RERE: variants seen among roughly 807,000 people sequenced by gnomAD.
The protein encoded by RERE is arginine-glutamic acid dipeptide repeats.
A neutral mutation model predicts 146.1 loss-of-function variants in RERE; 40 were observed. The observed-to-expected ratio is 0.27, with a 90% confidence interval of 0.21 to 0.36. The LOEUF is 0.36. Among genes scored for constraint, RERE ranks in the 10% least tolerant of loss-of-function variants. The pLI is 1.00. For synonymous variants in RERE, 1,003 were observed against 866.0 expected, an observed-to-expected ratio of 1.16 and a Z score of -2.78; for missense variants, 1,933 against 2,138.7, an observed-to-expected ratio of 0.90 and a Z score of 1.90.
At chr1:8,634,149 C>A (rs1383902328) in intron 2 of RERE, among the ~76,000 whole-genome samples, 1 of 152,160 alleles carries the variant, frequency 6.6e-6, no homozygotes, top group Admixed American at 6.5e-5. Context: ...CAAGACCAAG[C>A]CATGCCCATC....
In RERE at chr1:8,682,452, C is replaced by T. The variant is rs193132175; in HGVS notation, c.-144-26011G>A. Among the ~76,000 whole-genome samples the T allele has an allele frequency of 4.2e-4, 64 of 152,236 alleles. No homozygotes were observed. In the East Asian group the frequency reaches 0.011, roughly 27 times the overall value. ...TGTTTTATTGTTTAAATGGAACTTT[C>T]CTGTGGGCACTGTTGTTGTTGTATG... On this transcript the variant is annotated intron_variant, in intron 1 of 22. Coordinates refer to ENST00000400908, the MANE Select transcript of RERE (RefSeq NM_001042681.2).
intron 4 of RERE, among the ~76,000 whole-genome samples, chr1:8,576,595 T>G (rs1425098360): frequency 1.3e-5 from 2 of 152,318 alleles, no homozygotes; most frequent in East Asian, 3.9e-4. Context: ...TGATTCAAAA[T>G]GATCTGAAAT....
chr1:8,614,421 G>T, intron 4 of RERE, 140 bp downstream of exon 4: 2 of 842,810 alleles, frequency 2.4e-6, no homozygotes, highest in Non-Finnish European at 3.6e-6. Context: ...CTTCCTCTGT[G>T]CATGTACTTG....
chr1:8,643,436 A>G (rs577915361), intron 2 of RERE, among the ~76,000 whole-genome samples: 15 of 152,316 alleles, frequency 9.8e-5, no homozygotes, highest in African/African-American at 3.6e-4. Context: ...AACACAATAT[A>G]TGTTACTGGG....
intron 1 of RERE, among the ~76,000 whole-genome samples, chr1:8,778,708 T>C (rs953299167): frequency 6.6e-6 from 1 of 151,958 alleles, no homozygotes; most frequent in Non-Finnish European, 1.5e-5. Flanking sequence ...TGGTGGCATG[T>C]GCCTGTAGTC....
At chr1:8,566,092 T>C (rs1467596056) in intron 4 of RERE, among the ~76,000 whole-genome samples, 2 of 152,210 alleles carry the variant, frequency 1.3e-5, no homozygotes, top group Non-Finnish European at 2.9e-5. Flanking sequence ...TGATAAAGTA[T>C]CCACTCTTGT....
chr1:8,593,078 C>A (rs749427139), intron 4 of RERE, among the ~76,000 whole-genome samples: 2 of 152,080 alleles, frequency 1.3e-5, no homozygotes, highest in South Asian at 2.1e-4. Context: ...CTGAATGGTG[C>A]GACTGGTTTC....
chr1:8,603,734 A>G (rs893543003), intron 4 of RERE, among the ~76,000 whole-genome samples: 10 of 152,132 alleles, frequency 6.6e-5, no homozygotes, highest in African/African-American at 2.4e-4. Flanking sequence ...AGACCCTGGA[A>G]CTGCATCAGA....
chr1:8,770,278 A>C (rs1209522806), intron 1 of RERE, among the ~76,000 whole-genome samples: 1 of 152,214 alleles, frequency 6.6e-6, no homozygotes, highest in Non-Finnish European at 1.5e-5. Flanking sequence ...CATGAGGTAC[A>C]GTACCTGACA....
chr1:8,635,362 T>C (rs1467842124), intron 2 of RERE, among the ~76,000 whole-genome samples: 2 of 152,328 alleles, frequency 1.3e-5, no homozygotes, highest in Middle Eastern at 3.4e-3. Flanking sequence ...ACTTTCATAA[T>C]CAAAATTAGC....
intron 1 of RERE, among the ~76,000 whole-genome samples, chr1:8,810,858 A>G (rs966035912): frequency 1.3e-5 from 2 of 152,144 alleles, no homozygotes; most frequent in African/African-American, 4.8e-5. Context: ...CATATTAGGA[A>G]GCCATAAATA....
At chr1:8,527,254 G>C (rs1645581409) in intron 7 of RERE, among the ~76,000 whole-genome samples, 1 of 152,174 alleles carries the variant, frequency 6.6e-6, no homozygotes, top group African/African-American at 2.4e-5. Flanking sequence ...CATGAAACAA[G>C]TATCTACAGG....
intron 2 of RERE, among the ~76,000 whole-genome samples, chr1:8,628,325 AAC>A (rs1290786425): frequency 6.6e-6 from 1 of 152,236 alleles, no homozygotes; most frequent in Non-Finnish European, 1.5e-5. Context: ...ATAGTCATGA[AAC>A]ACAGAATGGC....
intron 12 of RERE, among the ~76,000 whole-genome samples, chr1:8,372,507 C>CGCGTGTGTGT: frequency 7.6e-6 from 1 of 131,828 alleles, no homozygotes; most frequent in Non-Finnish European, 1.6e-5. Flanking sequence ...ACCATCAGGT[C>CGCGTGTGTGT]GTGTGTGTGT....
chr1:8,663,918 C>CA (rs1295203581), intron 1 of RERE, among the ~76,000 whole-genome samples: 5 of 152,116 alleles, frequency 3.3e-5, no homozygotes. Flanking sequence ...TACTGACCCT[C>CA]AGAGTCTCCA....
intron 2 of RERE, among the ~76,000 whole-genome samples, chr1:8,625,717 A>G (rs74050245): frequency 0.028 from 4,198 of 152,240 alleles, 173 homozygotes; most frequent in African/African-American, 0.095. Context: ...CATTTGTCTT[A>G]TGTGTTGAGA....
rs764588062 is a variant in RERE, at chr1:8,360,064, C to T, written c.3395+48G>A. 5.7e-6 allele frequency: 9 copies of T among 1,586,468 alleles called. No individual in the cohort carries two copies. In the Admixed American group the frequency reaches 1.4e-4, roughly 24 times the overall value. ...CCTCCCTCCCACCAGAACTTGCCCC[C>T]ACCAGCCCACCTGTGCCTGACCCGT... On this transcript the variant is annotated intron_variant, in intron 18 of 22. Coordinates refer to ENST00000400908, the MANE Select transcript of RERE (RefSeq NM_001042681.2).
At chr1:8,588,948 A>AC (rs745944602) in intron 4 of RERE, among the ~76,000 whole-genome samples, 6 of 151,984 alleles carry the variant, frequency 3.9e-5, no homozygotes, top group Non-Finnish European at 8.8e-5. Context: ...ACATGGTGAA[A>AC]CCCCATCTCT....
At chr1:8,594,324 C>T (rs1646530018) in intron 4 of RERE, among the ~76,000 whole-genome samples, 1 of 152,150 alleles carries the variant, frequency 6.6e-6, no homozygotes, top group Non-Finnish European at 1.5e-5. Context: ...CACGACTGTA[C>T]ATAAAATACG....
Sources: gnomAD v4.1 joint callset for allele counts (sites outside exome capture counted in the v4.1 genomes callset) on GRCh38, gnomAD v4.1.1 for gene constraint, MANE v1.5 for transcripts, NCBI Gene and HGNC (gene_info 2026-07-23, HGNC 2026-07-21) for gene names.